The following COL26A1 variants were observed in gnomAD, a reference collection of about 807,000 sequenced individuals.
COL26A1 encodes the protein collagen alpha-1(XXVI) chain.
COL26A1 carries 41 observed loss-of-function variants against 59.3 expected under a neutral mutation model. The ratio of observed to expected loss-of-function variants is 0.69; its 90% CI spans 0.54 to 0.90. The LOEUF is 0.90. Among genes scored for constraint, COL26A1 ranks in the 40% least tolerant of loss-of-function variants. The pLI is 0.00. For synonymous variants in COL26A1, 266 were observed against 256.0 expected, an observed-to-expected ratio of 1.04 and a Z score of -0.37; for missense variants, 612 against 602.3, an observed-to-expected ratio of 1.02 and a Z score of -0.17.
chr7:101,537,129 T>C (rs933227960), intron 4 of COL26A1, among the ~76,000 whole-genome samples: 18 of 152,146 alleles, frequency 1.2e-4, no homozygotes, highest in Admixed American at 2.6e-4. Context: ...AGAAGGGGCA[T>C]TGGGGGCCAG....
At chr7:101,469,612 C>A (rs915953337) in intron 3 of COL26A1, among the ~76,000 whole-genome samples, 1 of 152,066 alleles carries the variant, frequency 6.6e-6, no homozygotes, top group Non-Finnish European at 1.5e-5. Context: ...GCATCAGCCT[C>A]CTGAGTAGCT....
chr7:101,415,155 C>A (rs114062207), intron 1 of COL26A1, among the ~76,000 whole-genome samples: 1,084 of 104,672 alleles, frequency 0.01, 11 homozygotes, highest in African/African-American at 0.029. Context: ...ATAACCCCCC[C>A]CCTTTTTTTT....
chr7:101,426,293 C>T (rs567364850), intron 2 of COL26A1, among the ~76,000 whole-genome samples: 28 of 152,226 alleles, frequency 1.8e-4, no homozygotes, highest in African/African-American at 6.7e-4. Flanking sequence ...CCCCATGGCT[C>T]ATAATGGCTT....
chr7:101,450,744 T>G (rs4729708), intron 3 of COL26A1, among the ~76,000 whole-genome samples: 38 of 111,652 alleles, frequency 3.4e-4, no homozygotes, highest in Admixed American at 7.0e-4. Flanking sequence ...ATATTCCATA[T>G]TCTATATGAA....
intron 3 of COL26A1, among the ~76,000 whole-genome samples, chr7:101,492,383 A>G (rs2040973): frequency 0.46 from 70,266 of 151,842 alleles, 18,355 homozygotes; most frequent in African/African-American, 0.72. Flanking sequence ...ACTTTAAAAC[A>G]ATTATTTATT....
chr7:101,477,001 G>A (rs1279093443), intron 3 of COL26A1, among the ~76,000 whole-genome samples: 3 of 151,870 alleles, frequency 2.0e-5, no homozygotes, highest in African/African-American at 7.2e-5. Flanking sequence ...GCACCACCAC[G>A]CCCGGCTAAG....
At chr7:101,400,425 G>A (rs11983269) in intron 1 of COL26A1, among the ~76,000 whole-genome samples, 46,692 of 140,980 alleles carry the variant, frequency 0.33, 8,264 homozygotes, top group African/African-American at 0.48. Flanking sequence ...GCAGTGGCAC[G>A]ATCTCGGCTC....
At chr7:101,498,699 C>A (rs1794638798) in intron 3 of COL26A1, among the ~76,000 whole-genome samples, 1 of 152,202 alleles carries the variant, frequency 6.6e-6, no homozygotes, top group Admixed American at 6.5e-5. Context: ...TGGAGAAGGT[C>A]TTTGAAACAA....
At position 101,492,914 on chromosome 7, in the gene COL26A1, T is replaced by TAGGGG. The variant is rs551267747; in HGVS notation, c.386-40167_386-40163dup. ...ACCACCACGCCCAGCTAATTTTTGA[T>TAGGGG]AGGGGTCTTGCTGTGTTGCCCAGGC... is the stretch of plus-strand genomic sequence containing the variant. On this transcript the variant is annotated intron_variant, in intron 3 of 12. Transcript: ENST00000313669. Among the ~76,000 whole-genome samples, 29 of 151,606 alleles carry TAGGGG rather than the reference T, an allele frequency of 1.9e-4. No homozygotes were observed. In the South Asian group the frequency reaches 6.1e-3, roughly 32 times the overall value.
intron 1 of COL26A1, among the ~76,000 whole-genome samples, chr7:101,371,069 G>T (rs1791180616): frequency 6.6e-6 from 1 of 152,166 alleles, no homozygotes; most frequent in African/African-American, 2.4e-5. Context: ...ATGAGCTGGA[G>T]CTTAGCCCTG....
At chr7:101,513,545 G>A (rs956036438) in intron 3 of COL26A1, among the ~76,000 whole-genome samples, 11 of 148,506 alleles carry the variant, frequency 7.4e-5, no homozygotes, top group East Asian at 2.0e-4. Flanking sequence ...GGGTTTTGCC[G>A]TGTTGGCCAG....
intron 1 of COL26A1, among the ~76,000 whole-genome samples, chr7:101,417,084 A>T (rs1792387816): frequency 6.6e-6 from 1 of 152,124 alleles, no homozygotes; most frequent in Non-Finnish European, 1.5e-5. Context: ...TTCTTTGAGG[A>T]CATTAATTAT....
chr7:101,426,558 TC>T (rs1792653834), intron 2 of COL26A1, among the ~76,000 whole-genome samples: 2 of 152,238 alleles, frequency 1.3e-5, no homozygotes, highest in Non-Finnish European at 2.9e-5. Flanking sequence ...CACAGTTTTC[TC>T]CTATCAGAGA....
chr7:101,442,554 G>T (rs1330874570), intron 2 of COL26A1, among the ~76,000 whole-genome samples: 2 of 152,300 alleles, frequency 1.3e-5, no homozygotes, highest in South Asian at 4.1e-4. Context: ...CTAGAGCCTG[G>T]TTGGAAAGCC....
chr7:101,518,499 G>A (rs1215707037), intron 3 of COL26A1, among the ~76,000 whole-genome samples: 1 of 152,200 alleles, frequency 6.6e-6, no homozygotes, highest in Non-Finnish European at 1.5e-5. Context: ...GTCCAAGTGG[G>A]TCAGGAACCA....
At chr7:101,494,286 C>T (rs1794534135) in intron 3 of COL26A1, among the ~76,000 whole-genome samples, 1 of 151,986 alleles carries the variant, frequency 6.6e-6, no homozygotes, top group Admixed American at 6.6e-5. Flanking sequence ...GCCACCATGC[C>T]CGGCTAATTT....
intron 4 of COL26A1, among the ~76,000 whole-genome samples, chr7:101,539,076 G>A (rs939220816): frequency 3.9e-5 from 6 of 152,236 alleles, no homozygotes; most frequent in African/African-American, 1.2e-4. Flanking sequence ...AAGTCTCCCG[G>A]TCCCGGGATC....
At chr7:101,475,870 T>TTTTTCTCTC (rs1794028910) in intron 3 of COL26A1, among the ~76,000 whole-genome samples, 1 of 83,730 alleles carries the variant, frequency 1.2e-5, no homozygotes, top group South Asian at 3.6e-4. Context: ...TTCTCTCTCT[T>TTTTTCTCTC]TCTTTCTCTT....
At chr7:101,450,767 AG>A (rs1793314100) in intron 3 of COL26A1, among the ~76,000 whole-genome samples, 2 of 103,890 alleles carry the variant, frequency 1.9e-5, no homozygotes, top group African/African-American at 6.3e-5. Context: ...TGAATTCCAT[AG>A]TCTATATGAA....
Sources: gnomAD v4.1 joint callset for allele counts (sites outside exome capture counted in the v4.1 genomes callset) on GRCh38, gnomAD v4.1.1 for gene constraint, MANE v1.5 for transcripts, NCBI Gene and HGNC (gene_info 2026-07-23, HGNC 2026-07-21) for gene names.